The following CA13 variants were observed in gnomAD, a reference collection of about 807,000 sequenced individuals.
CA13 encodes carbonic anhydrase 13.
Under a neutral mutation model 31.5 loss-of-function variants are expected in CA13, and 21 were observed. The observed-to-expected ratio is 0.67, with a 90% CI of 0.47 to 0.96. The LOEUF (loss-of-function observed/expected upper bound fraction) is 0.96. Among genes scored for constraint, CA13 ranks in the 40% least tolerant of loss-of-function variants. The probability of loss-of-function intolerance (pLI) is 0.00; values close to 1 mark genes in which losing one functional copy is unlikely to be tolerated. For missense variants in CA13, 315 were observed against 318.9 expected, an observed-to-expected ratio of 0.99 and a Z score of 0.09; for synonymous variants, 117 against 111.4, an observed-to-expected ratio of 1.05 and a Z score of -0.32.
chr8:85,263,990 GA>G (rs1455987781), intron 3 of CA13, among the ~76,000 whole-genome samples: 6 of 151,936 alleles, frequency 3.9e-5, no homozygotes, highest in African/African-American at 1.4e-4. Flanking sequence ...GTGAAAGAAA[GA>G]AAAAAGACAT....
intron 3 of CA13, among the ~76,000 whole-genome samples, chr8:85,263,760 T>G (rs1807418340): frequency 6.6e-6 from 1 of 152,132 alleles, no homozygotes; most frequent in Admixed American, 6.6e-5. Context: ...CATTCTAGGC[T>G]CATGTTCAAG....
intron 6 of CA13, among the ~76,000 whole-genome samples, chr8:85,280,617 T>G (rs1347714171): frequency 6.6e-6 from 1 of 152,256 alleles, no homozygotes; most frequent in African/African-American, 2.4e-5. Flanking sequence ...TAATTGACAG[T>G]ATAATTTTGG....
intron 6 of CA13, among the ~76,000 whole-genome samples, chr8:85,280,299 C>T (rs1454916044): frequency 1.3e-5 from 2 of 151,982 alleles, no homozygotes; most frequent in African/African-American, 4.8e-5. Context: ...CAAATAAAAC[C>T]CTCAAAATAT....
chr8:85,281,042 C>A (rs1247144295), intron 6 of CA13, among the ~76,000 whole-genome samples, 188 bp from the exon 7 acceptor site: 2 of 152,054 alleles, frequency 1.3e-5, no homozygotes, highest in Non-Finnish European at 2.9e-5. Context: ...AATTTTGGAA[C>A]CTGTAGGTAT....
At chr8:85,253,769 T>G (rs370511079) in intron 2 of CA13, among the ~76,000 whole-genome samples, 1 of 152,058 alleles carries the variant, frequency 6.6e-6, no homozygotes. Context: ...ACCCCGCTAC[T>G]GGGGAAGGAG....
In CA13 at chr8:85,267,971, T is replaced by G; in HGVS notation, c.513+7T>G. 6.6e-7 allele frequency: 1 copy of G among 1,507,020 alleles called. No homozygotes were observed. The highest frequency in any genetic ancestry group is 1.4e-5 in the African/African-American group (1 of 72,754). The allele number at this position is 1,507,020 out of a possible 1,614,324, so 93.4% of individuals were successfully genotyped here. A position where few individuals can be genotyped will look rare whatever the true frequency, so the allele number is the denominator to read the frequency against. ...GGATTCCATTAAAGAAAAGGTAAAATGAATTACTGTTAATAATTAACATAT... is the reference window on the plus strand; with the variant it reads ...GGATTCCATTAAAGAAAAGGTAAAAGGAATTACTGTTAATAATTAACATAT... On this transcript the variant is annotated splice_region_variant and intron_variant, in intron 5 of 6. Transcript: ENST00000321764.
chr8:85,255,716 G>A (rs1488222479), intron 2 of CA13, among the ~76,000 whole-genome samples: 1 of 152,166 alleles, frequency 6.6e-6, no homozygotes, highest in African/African-American at 2.4e-5. Context: ...CCAATTGGCT[G>A]TAATATACAG....
At chr8:85,247,920 T>TA (rs35146803) in intron 1 of CA13, among the ~76,000 whole-genome samples, 113,061 of 151,364 alleles carry the variant, frequency 0.75, 43,036 homozygotes, top group African/African-American at 0.87. Flanking sequence ...TAAACATTGG[T>TA]AAACCAGTGA....
chr8:85,249,965 C>T (rs761448507), intron 1 of CA13: 11 of 278,756 alleles, frequency 3.9e-5, no homozygotes, highest in Admixed American at 9.8e-5. Flanking sequence ...GAACTTGATA[C>T]GATTTTGACG....
At chr8:85,249,288 C>A (rs1229324328) in intron 1 of CA13, among the ~76,000 whole-genome samples, 1 of 152,056 alleles carries the variant, frequency 6.6e-6, no homozygotes, top group Admixed American at 6.6e-5. Flanking sequence ...CACTTGAGCC[C>A]ATGAGTTTGA....
intron 2 of CA13, among the ~76,000 whole-genome samples, chr8:85,253,069 C>A (rs1807221700): frequency 6.6e-6 from 1 of 151,908 alleles, no homozygotes; most frequent in African/African-American, 2.4e-5. Context: ...CCTCCGCCTC[C>A]CAAGTAGCTG....
chr8:85,261,192 G>GA (rs1487296282), intron 3 of CA13, among the ~76,000 whole-genome samples: 3 of 152,038 alleles, frequency 2.0e-5, no homozygotes, highest in Admixed American at 6.5e-5. Flanking sequence ...TTTATAAATG[G>GA]AAAAAATTTA....
At chr8:85,266,764 C>T (rs888342054) in intron 4 of CA13, 61 bp downstream of exon 4, 14 of 1,259,894 alleles carry the variant, frequency 1.1e-5, no homozygotes, top group Middle Eastern at 1.9e-4. Context: ...GCTTCAGTCA[C>T]GAAGTAGACA....
intron 1 of CA13, chr8:85,246,292 A>G (rs184013167): frequency 1.3e-4 from 62 of 459,490 alleles, no homozygotes; most frequent in Non-Finnish European, 1.3e-5. Flanking sequence ...GAAACAAATC[A>G]TAGAAAATCT....
At chr8:85,264,062 A>C (rs916351641) in intron 3 of CA13, among the ~76,000 whole-genome samples, 1 of 152,254 alleles carries the variant, frequency 6.6e-6, no homozygotes, top group Non-Finnish European at 1.5e-5. Flanking sequence ...ATAATATTAC[A>C]GAGAGATTAA....
intron 6 of CA13, among the ~76,000 whole-genome samples, chr8:85,280,456 G>C (rs1807686703): frequency 6.6e-6 from 1 of 152,136 alleles, no homozygotes; most frequent in Non-Finnish European, 1.5e-5. Context: ...AACATTTTAG[G>C]CATCAGGTAT....
At chr8:85,254,107 T>C (rs1311128569) in intron 2 of CA13, among the ~76,000 whole-genome samples, 2 of 151,972 alleles carry the variant, frequency 1.3e-5, no homozygotes, top group African/African-American at 2.4e-5. Context: ...GCTGAAACCC[T>C]GTCTCTATTA....
chr8:85,270,299 A>T (rs1321675444), intron 6 of CA13, among the ~76,000 whole-genome samples: 2 of 152,182 alleles, frequency 1.3e-5, no homozygotes, highest in East Asian at 3.8e-4. Context: ...TACCGAGATC[A>T]TTTCAGGCAG....
intron 6 of CA13, among the ~76,000 whole-genome samples, chr8:85,278,265 CAAAA>C (rs1012685036): frequency 2.6e-5 from 2 of 76,954 alleles, no homozygotes; most frequent in African/African-American, 5.3e-5. Flanking sequence ...GACTCTATCT[CAAAA>C]AAAAAAAAAA....
Sources: allele counts gnomAD v4.1 joint callset (sites outside exome capture counted in the v4.1 genomes callset), GRCh38; gene constraint gnomAD v4.1.1; transcripts MANE v1.5; gene names NCBI Gene and HGNC (gene_info 2026-07-23, HGNC 2026-07-21).